The following SLC27A1 variants were observed in gnomAD, a reference collection of about 807,000 sequenced individuals.
SLC27A1 encodes solute carrier family 27 member 1.
Under a neutral mutation model 62.2 loss-of-function variants are expected in SLC27A1, and 61 were observed. That is an observed-to-expected ratio of 0.98 (90% CI 0.80 to 1.21). The LOEUF (loss-of-function observed/expected upper bound fraction) is 1.21. Among genes scored for constraint, SLC27A1 ranks in the 50% most tolerant of loss-of-function variants. SLC27A1 has a pLI of 0.00. For synonymous variants in SLC27A1, 435 were observed against 408.6 expected, an observed-to-expected ratio of 1.06 and a Z score of -0.78; for missense variants, 903 against 932.1, an observed-to-expected ratio of 0.97 and a Z score of 0.41.
chr19:17,469,460 C>T (rs539101789), upstream of SLC27A1, among the ~76,000 whole-genome samples: 18 of 152,118 alleles, frequency 1.2e-4, no homozygotes, highest in African/African-American at 4.1e-4. Context: ...CCAACTAGGG[C>T]TCGGGTCCTG....
At chr19:17,479,962 C>G (rs1358642105) in intron 1 of SLC27A1, among the ~76,000 whole-genome samples, 1 of 151,958 alleles carries the variant, frequency 6.6e-6, no homozygotes, top group Non-Finnish European at 1.5e-5. Flanking sequence ...TCTTTGGAAG[C>G]TACAGTGAAT....
At position 17,470,634 on chromosome 19, in the gene SLC27A1, C is replaced by T. The variant is rs2075066227; in HGVS notation, c.94C>T (p.Leu32Phe). Residue 32 changes from leucine (L) to phenylalanine (F), a missense_variant, in exon 1 of 12, where the codon CTC (leucine) becomes TTC (phenylalanine). Transcript: ENST00000252595. ...GTGGACCTGGAGCGCGGCAGCGGCGCTCGGCGTGTACGTGGGCAGCGGCGG... is the reference window on the plus strand; with the variant it reads ...GTGGACCTGGAGCGCGGCAGCGGCGTTCGGCGTGTACGTGGGCAGCGGCGG... ...LPWTWSAAAALGVYVGSGGWR... is the reference protein window; with the variant it reads ...LPWTWSAAAAFGVYVGSGGWR... 1.3e-6 allele frequency: 2 copies of T among 1,577,416 alleles called. No individual in the cohort carries two copies. The highest frequency in any genetic ancestry group is 2.7e-5 in the African/African-American group (2 of 74,292).
chr19:17,484,864 A>C lies in SLC27A1; in HGVS notation c.168-1699A>C, dbSNP rs1299584082. 2.0e-5 allele frequency among the ~76,000 whole-genome samples: 3 copies of C among 152,182 alleles called. No homozygotes were observed. In the East Asian group the frequency reaches 5.8e-4, roughly 29 times the overall value. On this transcript the variant is annotated intron_variant, in intron 1 of 11. Coordinates refer to ENST00000252595, the MANE Select transcript of SLC27A1 (RefSeq NM_198580.3). ...GGCCTGGGAAAGGCAGGGGAGATCC[A>C]AAGGATGGATTTGGTGATTTTGATG... is the stretch of plus-strand genomic sequence containing the variant.
At chr19:17,498,607 T>A in intron 7 of SLC27A1, 1 of 214,128 alleles carries the variant, frequency 4.7e-6, no homozygotes. Flanking sequence ...GACGAGAGAT[T>A]GTAGAAATAA....
intron 3 of SLC27A1, 59 bp downstream of exon 3, chr19:17,487,394 C>T: frequency 2.0e-6 from 3 of 1,525,418 alleles, no homozygotes; most frequent in Non-Finnish European, 1.8e-6. Context: ...CCAGGCCCCG[C>T]CCCCAACTTC....
intron 1 of SLC27A1, among the ~76,000 whole-genome samples, chr19:17,474,039 C>T (rs2075100597): frequency 6.6e-6 from 1 of 151,856 alleles, no homozygotes; most frequent in Non-Finnish European, 1.5e-5. Flanking sequence ...ACTTCCTGGG[C>T]TCAAATGATC....
chr19:17,481,736 C>T (rs1258035135), intron 1 of SLC27A1, among the ~76,000 whole-genome samples: 1 of 152,136 alleles, frequency 6.6e-6, no homozygotes, highest in Non-Finnish European at 1.5e-5. Flanking sequence ...CTGCTGGGCT[C>T]AAGCAATCCT....
At chr19:17,489,928 G>C (rs2075278780) in intron 6 of SLC27A1, 1 of 152,490 alleles carries the variant, frequency 6.6e-6, no homozygotes, top group South Asian at 2.1e-4. Flanking sequence ...GTTGTCCAGG[G>C]ACTGTGGCAA....
chr19:17,480,977 G>C (rs1346156722), intron 1 of SLC27A1, among the ~76,000 whole-genome samples: 1 of 151,492 alleles, frequency 6.6e-6, no homozygotes, highest in African/African-American at 2.4e-5. Flanking sequence ...CCAGCCTGGA[G>C]TGCAATGACG....
At chr19:17,478,490 A>G (rs904637483) in intron 1 of SLC27A1, among the ~76,000 whole-genome samples, 6 of 147,130 alleles carry the variant, frequency 4.1e-5, no homozygotes, top group Non-Finnish European at 7.5e-5. Context: ...AAAAAAAGGC[A>G]CAAAAATGCA....
At position 17,486,482 on chromosome 19, in the gene SLC27A1, C is replaced by T. The variant is rs928867464; in HGVS notation, c.168-81C>T. The T allele has an allele frequency of 1.4e-6, 2 of 1,459,978 alleles. No individual in the cohort carries two copies. Among genetic ancestry groups the T allele is most frequent in the South Asian group, 1.4e-5 (1 of 73,950 alleles). 90.4% of individuals were successfully genotyped at this position (1,459,978 alleles called of 1,614,324 possible). A position where few individuals can be genotyped will look rare whatever the true frequency, so the allele number is the denominator to read the frequency against. ...CAAAGCCCCTGGCTGCCCTGGGGTC[C>T]TCCAGCGGGGAGGCTGAGGCTCCCA... On this transcript the variant is annotated intron_variant, in intron 1 of 11. Transcript: ENST00000252595. This position sits in a 1 kb window ranked among gnomAD's most constrained non-coding sequence, Gnocchi z 6.6.
At chr19:17,492,634 A>AG (rs1325799782) in intron 6 of SLC27A1, among the ~76,000 whole-genome samples, 1 of 149,782 alleles carries the variant, frequency 6.7e-6, no homozygotes, top group Non-Finnish European at 1.5e-5. Context: ...AAAAAAAAAA[A>AG]AGAAAAAGAA....
At chr19:17,496,175 C>T (rs2075347530) in intron 6 of SLC27A1, 1 of 152,230 alleles carries the variant, frequency 6.6e-6, no homozygotes, top group South Asian at 2.1e-4. Context: ...TGGCATGCAA[C>T]TGTTTTATTC....
Position 17,495,215 on chromosome 19 carries a change from T to A in SLC27A1, c.997-2040T>A, listed in dbSNP as rs142578448. ...GTCTCGAACTTCTGACCTGAAGTGA[T>A]CTGCCCACCTCGGCCCCCCAAAGTG... On this transcript the variant is annotated intron_variant, in intron 6 of 11. Coordinates refer to ENST00000252595, the MANE Select transcript of SLC27A1 (RefSeq NM_198580.3). 8.3e-3 allele frequency among the ~76,000 whole-genome samples: 1,264 copies of A among 151,968 alleles called. 26 individuals carry two copies. The highest frequency in any genetic ancestry group is 0.029 in the African/African-American group (1,203 of 41,338).
At chr19:17,485,911 G>A (rs947301872) in intron 1 of SLC27A1, among the ~76,000 whole-genome samples, 38 of 152,132 alleles carry the variant, frequency 2.5e-4, no homozygotes, top group African/African-American at 9.2e-4. Flanking sequence ...TCAGGAACCC[G>A]GCTCCTTTCA....
intron 6 of SLC27A1, among the ~76,000 whole-genome samples, chr19:17,492,986 G>A (rs1281039752): frequency 2.0e-5 from 3 of 151,308 alleles, no homozygotes; most frequent in African/African-American, 4.9e-5. Context: ...AGCCAGGTGC[G>A]GTGGTGGGCA....
intron 1 of SLC27A1, among the ~76,000 whole-genome samples, chr19:17,485,217 T>C (rs2075217447): frequency 7.7e-6 from 1 of 130,210 alleles, no homozygotes; most frequent in Non-Finnish European, 1.6e-5. Flanking sequence ...TTTGATGGAG[T>C]CTTGCTCTTT....
intron 11 of SLC27A1, among the ~76,000 whole-genome samples, chr19:17,503,118 C>CA (rs1473433835): frequency 2.0e-5 from 3 of 152,172 alleles, no homozygotes; most frequent in African/African-American, 7.2e-5. Context: ...GAGACCCCTT[C>CA]ACTATCATGA....
At chr19:17,504,184 C>T (rs2075449040) in intron 11 of SLC27A1, among the ~76,000 whole-genome samples, 1 of 152,130 alleles carries the variant, frequency 6.6e-6, no homozygotes, top group African/African-American at 2.4e-5. Flanking sequence ...CAGACACAGC[C>T]CTGCCTGTCA....
Sources: allele counts gnomAD v4.1 joint callset (sites outside exome capture counted in the v4.1 genomes callset), GRCh38; gene constraint gnomAD v4.1.1; non-coding constraint Gnocchi (gnomAD v3.1); transcripts MANE v1.5; gene names NCBI Gene and HGNC (gene_info 2026-07-23, HGNC 2026-07-21).